Variants in MKRN2 observed in about 807,000 individuals in gnomAD.
MKRN2 encodes E3 ubiquitin-protein ligase makorin-2.
In MKRN2, 32 loss-of-function variants were observed where a neutral mutation model predicts 45.4. The ratio of observed to expected loss-of-function variants is 0.70; its 90% CI spans 0.53 to 0.95. The LOEUF (loss-of-function observed/expected upper bound fraction) is 0.95, where lower values mean the gene tolerates loss of function less well. Among genes scored for constraint, MKRN2 ranks in the 40% least tolerant of loss-of-function variants. The pLI, the probability that MKRN2 is intolerant of heterozygous loss-of-function variation, is 0.00. For missense variants in MKRN2, 526 were observed against 536.7 expected (o/e 0.98, Z 0.20); for synonymous variants, 206 against 192.4 (o/e 1.07, Z -0.59).
In MKRN2 at chr3:12,557,093, G is replaced by T. The variant is rs1182066693; in HGVS notation, c.-58G>T. 5 of 1,439,304 alleles carry T rather than the reference G, an allele frequency of 3.5e-6. No homozygotes were observed. The East Asian group carries it at 9.7e-5, about 28-fold the overall frequency. The allele number at this position is 1,439,304 out of a possible 1,614,324, so 89.2% of individuals were successfully genotyped here. A position where few individuals can be genotyped will look rare whatever the true frequency, so the allele number is the denominator to read the frequency against. ...GATGGGCCGGGCCAGGGCCAAGGCC[G>T]AGGCGGCAGCGGCTGCGAGAGGCGG... On this transcript the variant is annotated 5_prime_UTR_variant, in exon 1 of 8. Transcript: ENST00000170447.
rs373489559 is a variant in MKRN2 at position 12,579,618 on chromosome 3, A to G, written c.969-2190A>G. Among the ~76,000 whole-genome samples, 20 of 152,342 alleles carry G rather than the reference A, an allele frequency of 1.3e-4. 2 individuals are homozygous for G. The highest frequency in any genetic ancestry group is 3.3e-4 in the Admixed American group (5 of 15,300). On this transcript the variant is annotated intron_variant, in intron 6 of 7. Coordinates refer to ENST00000170447, the MANE Select transcript of MKRN2 (RefSeq NM_014160.5). ...GGGAAGCAGCATGGGAGCCTGAACC[A>G]TGAAGCAGGAAGCACCTGTCTGTAG...
chr3:12,570,449 G>C (rs889254399), intron 3 of MKRN2, among the ~76,000 whole-genome samples, 197 bp downstream of exon 3: 2 of 152,006 alleles, frequency 1.3e-5, no homozygotes, highest in African/African-American at 2.4e-5. Context: ...ATTCGCCCTC[G>C]TGCCCAAGGC....
chr3:12,557,892 T>C (rs755094471), intron 1 of MKRN2, among the ~76,000 whole-genome samples: 69 of 152,356 alleles, frequency 4.5e-4, no homozygotes, highest in Non-Finnish European at 7.5e-4. Flanking sequence ...GGATGGTTTA[T>C]TGTAGAAAAT....
At chr3:12,565,461 G>T (rs944418635) in intron 1 of MKRN2, among the ~76,000 whole-genome samples, 3 of 139,614 alleles carry the variant, frequency 2.1e-5, no homozygotes, top group Non-Finnish European at 4.7e-5. Flanking sequence ...ACATATTTAA[G>T]TTTTTTCCAA....
At chr3:12,577,291 G>A (rs1198336934) in intron 6 of MKRN2, 1 of 152,072 alleles carries the variant, frequency 6.6e-6, no homozygotes, top group African/African-American at 2.4e-5. Context: ...TTGCCTAGGA[G>A]TGGAGTGGTT....
chr3:12,581,335 T>G (rs551471279), intron 6 of MKRN2, among the ~76,000 whole-genome samples: 1 of 152,312 alleles, frequency 6.6e-6, no homozygotes, highest in Admixed American at 6.5e-5. Flanking sequence ...TAAAACCCTC[T>G]GCTTTCCCTG....
chr3:12,574,686 T>C (rs1457223372), intron 4 of MKRN2, 106 bp from the exon 5 acceptor site: 9 of 1,059,658 alleles, frequency 8.5e-6, no homozygotes, highest in Non-Finnish European at 1.3e-5. Flanking sequence ...GCTGTCAGTG[T>C]TCCTTCCTGA....
intron 3 of MKRN2, 106 bp downstream of exon 3, chr3:12,570,358 C>A: frequency 8.7e-7 from 1 of 1,144,336 alleles, no homozygotes; most frequent in Non-Finnish European, 1.2e-6. Flanking sequence ...TAACCTAATA[C>A]ACCTCCAGAT....
chr3:12,563,977 A>C, intron 1 of MKRN2, among the ~76,000 whole-genome samples: 1 of 149,910 alleles, frequency 6.7e-6, no homozygotes, highest in African/African-American at 2.5e-5. Context: ...AAACAGATTC[A>C]CTCTGTTGCC....
At chr3:12,568,378 G>A (rs544617714) in intron 1 of MKRN2, among the ~76,000 whole-genome samples, 2 of 152,344 alleles carry the variant, frequency 1.3e-5, no homozygotes, top group East Asian at 1.9e-4. Context: ...CCACACTATG[G>A]TATTTGATCC....
intron 6 of MKRN2, 192 bp downstream of exon 6, chr3:12,576,933 GTTTT>G (rs71063832): frequency 1.7e-3 from 93 of 55,958 alleles, no homozygotes; most frequent in South Asian, 4.9e-3. Flanking sequence ...TAGTTTTGGT[GTTTT>G]TTTTTTTTTT....
In MKRN2 at chr3:12,570,249, C is replaced by A. The variant is rs759535304; in HGVS notation, c.334C>A (p.Arg112=). ...AAAGAGAACATTGGTTCTTAGAGAC[C>A]GAAGTGAGTAAGCGGAAGCCTTTTG... ...REKRTLVLRD[R]NLSGMAERKT... Residue 112 remains arginine, a synonymous_variant, in exon 3 of 8, where the codon CGA becomes AGA. Transcript: ENST00000170447. 1 of 1,612,852 alleles carries A rather than the reference C, an allele frequency of 6.2e-7. No individual in the cohort carries two copies. Among genetic ancestry groups the A allele is most frequent in the South Asian group, 1.1e-5 (1 of 90,990 alleles).
chr3:12,566,546 A>C (rs2442802), intron 1 of MKRN2, among the ~76,000 whole-genome samples: 66,387 of 151,988 alleles, frequency 0.44, 15,282 homozygotes, highest in African/African-American at 0.55. Flanking sequence ...AAACTCATCT[A>C]ATGTAATTCT....
Position 12,575,018 on chromosome 3 carries a change from C to T in MKRN2, c.857+12C>T. ...AACCCAATCATTAAGTAAGTACAGC[C>T]AGGGGTCTTAGCTGTGGGAGCTAGG... is the stretch of plus-strand genomic sequence containing the variant. On this transcript the variant is annotated intron_variant, in intron 5 of 7. Transcript: ENST00000170447. 6.2e-7 allele frequency: 1 copy of T among 1,609,098 alleles called. No individual in the cohort carries two copies. The highest frequency in any genetic ancestry group is 8.5e-7 in the Non-Finnish European group (1 of 1,175,572).
chr3:12,562,910 A>G (rs967720196), intron 1 of MKRN2, among the ~76,000 whole-genome samples: 2 of 152,068 alleles, frequency 1.3e-5, no homozygotes, highest in African/African-American at 4.8e-5. Flanking sequence ...TTGTATACTT[A>G]TTTCATTATA....
At chr3:12,566,802 C>T (rs2058071203) in intron 1 of MKRN2, among the ~76,000 whole-genome samples, 2 of 152,104 alleles carry the variant, frequency 1.3e-5, no homozygotes, top group African/African-American at 4.8e-5. Context: ...GGTGTTTCAC[C>T]ATGTTGACCA....
chr3:12,557,186 C>T lies in MKRN2; in HGVS notation c.26+10C>T, dbSNP rs767397788. 9 of 1,535,492 alleles carry T rather than the reference C, an allele frequency of 5.9e-6. No homozygotes were observed. Among genetic ancestry groups the T allele is most frequent in the Non-Finnish European group, 7.9e-6 (9 of 1,143,070 alleles). On this transcript the variant is annotated intron_variant, in intron 1 of 7. Transcript: ENST00000170447. ...AGCAGATCACTTGCAGGTCAGTGCG[C>T]TGGAGCCAGGAGCTTCGGGCCGCTC...
Position 12,572,202 on chromosome 3 carries a change from C to T in MKRN2, c.471C>T (p.Asp157=), listed in dbSNP as rs760372139. ...ATGCCATCAGGAGTGGCCTTGATGA[C>T]GTGGAGGCCAGCAGCTCCTACAGCA... ...YLDAIRSGLD[D]VEASSSYSNE... Residue 157 remains aspartate, a synonymous_variant, in exon 4 of 8, where the codon GAC becomes GAT. Coordinates refer to ENST00000170447, the MANE Select transcript of MKRN2 (RefSeq NM_014160.5). The T allele has an allele frequency of 2.0e-5, 32 of 1,613,866 alleles. No homozygotes were observed. In the East Asian group the frequency reaches 3.1e-4, roughly 16 times the overall value.
intron 5 of MKRN2, 104 bp from the exon 6 acceptor site, chr3:12,576,527 G>A (rs576911587): frequency 4.5e-4 from 313 of 691,670 alleles, no homozygotes; most frequent in Non-Finnish European, 7.1e-4. Flanking sequence ...TTCTGGTGAA[G>A]GAAATGCCTG....
Sources: gnomAD v4.1 joint callset for allele counts (sites outside exome capture counted in the v4.1 genomes callset) on GRCh38, gnomAD v4.1.1 for gene constraint, MANE v1.5 for transcripts, NCBI Gene and HGNC (gene_info 2026-07-23, HGNC 2026-07-21) for gene names.